Variants in SUZ12 observed in about 807,000 individuals in gnomAD.
SUZ12 encodes SUZ12 polycomb repressive complex 2 subunit.
In SUZ12, 17 loss-of-function variants were observed where a neutral mutation model predicts 87.3. That is an observed-to-expected ratio of 0.19 (90% CI 0.13 to 0.29). The LOEUF (loss-of-function observed/expected upper bound fraction) is 0.29, where lower values mean the gene tolerates loss of function less well. Ranked by LOEUF, SUZ12 falls within the 10% of genes least tolerant of loss-of-function variation. SUZ12 has a pLI of 1.00. For missense variants in SUZ12, 526 were observed against 912.2 expected (o/e 0.58, Z 5.45); for synonymous variants, 253 against 312.4 (o/e 0.81, Z 2.01).
At chr17:31,980,035 G>A (rs1909004619) in intron 8 of SUZ12, among the ~76,000 whole-genome samples, 1 of 151,312 alleles carries the variant, frequency 6.6e-6, no homozygotes, top group South Asian at 2.1e-4. Flanking sequence ...GAGAGAGAGA[G>A]AGAAACAGGC....
intron 8 of SUZ12, among the ~76,000 whole-genome samples, chr17:31,982,371 T>C (rs1481823558): frequency 6.6e-6 from 1 of 152,106 alleles, no homozygotes; most frequent in East Asian, 1.9e-4. Flanking sequence ...TTTAAAAATA[T>C]AAAGCCTGGG....
rs1423375245 is a variant in SUZ12 at position 31,937,141 on chromosome 17, C to T, written c.-106C>T. 2 of 998,072 alleles carry T rather than the reference C, an allele frequency of 2.0e-6. No individual in the cohort carries two copies. The highest frequency in any genetic ancestry group is 4.9e-5 in the South Asian group (2 of 40,906). 61.8% of individuals were successfully genotyped at this position (998,072 alleles called of 1,614,324 possible). A position where few individuals can be genotyped will look rare whatever the true frequency, so the allele number is the denominator to read the frequency against. On this transcript the variant is annotated 5_prime_UTR_variant, in exon 1 of 16. Coordinates refer to ENST00000322652, the MANE Select transcript of SUZ12 (RefSeq NM_015355.4). ...TCTCCTCCCCTCTCTCCTCCTTCCC[C>T]CCTCGGTCCGCCGGAGCCTGCTGGG... is the stretch of plus-strand genomic sequence containing the variant.
Position 31,999,629 on chromosome 17 carries a change from G to A in SUZ12, c.*626G>A, listed in dbSNP as rs1250114619. The A allele has an allele frequency of 4.3e-6, 1 of 231,664 alleles. No individual in the cohort carries two copies. The highest frequency in any genetic ancestry group is 1.8e-4 in the South Asian group (1 of 5,520). The allele number at this position is 231,664 out of a possible 1,614,324, so 14.4% of individuals were successfully genotyped here. A position where few individuals can be genotyped will look rare whatever the true frequency, so the allele number is the denominator to read the frequency against. On this transcript the variant is annotated 3_prime_UTR_variant, in exon 16 of 16. Transcript: ENST00000322652. ...AATAGCACTTCTTCATCTTATGCCT[G>A]TTTGAGAAGATATTAAATTTTCACA...
At chr17:31,943,680 C>T (rs1410572440) in intron 3 of SUZ12, among the ~76,000 whole-genome samples, 2 of 151,762 alleles carry the variant, frequency 1.3e-5, no homozygotes, top group Non-Finnish European at 2.9e-5. Context: ...TAGTAGAATT[C>T]GACTAACTGT....
chr17:31,948,463 T>C (rs9901121), intron 4 of SUZ12, among the ~76,000 whole-genome samples: 5,967 of 152,210 alleles, frequency 0.039, 392 homozygotes, highest in African/African-American at 0.13. Context: ...AAAAATAGAG[T>C]TGGAAAATTT....
chr17:31,970,468 A>C (rs535671197), intron 5 of SUZ12, among the ~76,000 whole-genome samples: 1 of 152,146 alleles, frequency 6.6e-6, no homozygotes, highest in South Asian at 2.1e-4. Flanking sequence ...TCTCTACTGA[A>C]AATAACCAAA....
chr17:31,989,327 T>G (rs1187700647), intron 10 of SUZ12, among the ~76,000 whole-genome samples: 1 of 152,028 alleles, frequency 6.6e-6, no homozygotes, highest in Non-Finnish European at 1.5e-5. Context: ...TGTGTTGAAG[T>G]AGTAGTAAAA....
intron 4 of SUZ12, among the ~76,000 whole-genome samples, chr17:31,951,711 C>T (rs944266929): frequency 3.3e-5 from 5 of 150,242 alleles, no homozygotes; most frequent in African/African-American, 4.9e-5. Context: ...CTCCTGACCT[C>T]GTGATCCACC....
intron 10 of SUZ12, among the ~76,000 whole-genome samples, chr17:31,990,774 G>GTT (rs1424767798): frequency 2.6e-5 from 4 of 151,876 alleles, no homozygotes; most frequent in Non-Finnish European, 5.9e-5. Context: ...TTGAGACAGG[G>GTT]TTTCTCTCTC....
chr17:31,987,900 T>C (rs1027487590), intron 9 of SUZ12, among the ~76,000 whole-genome samples: 2 of 151,886 alleles, frequency 1.3e-5, no homozygotes, highest in South Asian at 2.1e-4. Flanking sequence ...ACCATGCCAG[T>C]TGCACACTAG....
At chr17:31,955,901 T>TATG (rs1907299715) in intron 4 of SUZ12, among the ~76,000 whole-genome samples, 1 of 151,512 alleles carries the variant, frequency 6.6e-6, no homozygotes, top group South Asian at 2.1e-4. Flanking sequence ...TAAAGTTGTA[T>TATG]ATTATTATTA....
At chr17:31,957,878 C>G (rs117439645) in intron 4 of SUZ12, among the ~76,000 whole-genome samples, 3,270 of 144,930 alleles carry the variant, frequency 0.023, 65 homozygotes, top group Admixed American at 0.039. Context: ...GCACCTGGCC[C>G]TGGCTCACCT....
chr17:31,989,059 C>T (rs1909562980), intron 10 of SUZ12, among the ~76,000 whole-genome samples: 1 of 151,692 alleles, frequency 6.6e-6, no homozygotes, highest in Admixed American at 6.6e-5. Flanking sequence ...CAGAGCAATA[C>T]TCCATCTCAA....
rs199966471 is a variant in SUZ12 at position 31,987,048 on chromosome 17, GGTTTTTTT to G, written c.1024-1253_1024-1246del. Among the ~76,000 whole-genome samples the G allele has an allele frequency of 1.6e-3, 245 of 149,088 alleles. 1 individual carries two copies. The highest frequency in any genetic ancestry group is 7.9e-3 in the Admixed American group (119 of 15,058). On this transcript the variant is annotated intron_variant, in intron 9 of 15. Transcript: ENST00000322652. Reference sequence around the variant, plus strand: ...TAAGGCAATACTGATCTATAACAAAGGTTTTTTTGTTTTTTTGTTTTTTTGTGATCCTT... The same window carrying G: ...TAAGGCAATACTGATCTATAACAAAGGTTTTTTTGTTTTTTTGTGATCCTT...
Position 31,973,136 on chromosome 17 carries a change from T to C in SUZ12, c.506-10T>C, listed in dbSNP as rs1381859182. On this transcript the variant is annotated splice_polypyrimidine_tract_variant and intron_variant, in intron 5 of 15. Transcript: ENST00000322652. The stretch of plus-strand genomic sequence containing the variant: ...TTAAATATATTTTAAAATACTGATT[T>C]TCTATTTAGATAAGCCATCACCAAA... 1 of 1,526,162 alleles carries C rather than the reference T, an allele frequency of 6.6e-7. No individual in the cohort carries two copies. The highest frequency in any genetic ancestry group is 2.4e-5 in the East Asian group (1 of 42,080). 94.5% of individuals were successfully genotyped at this position (1,526,162 alleles called of 1,614,324 possible). A position where few individuals can be genotyped will look rare whatever the true frequency, so the allele number is the denominator to read the frequency against.
intron 9 of SUZ12, among the ~76,000 whole-genome samples, chr17:31,986,742 G>A (rs1343837899): frequency 2.0e-5 from 3 of 152,054 alleles, no homozygotes; most frequent in Non-Finnish European, 4.4e-5. Flanking sequence ...AGTAGAGACG[G>A]GGTTTCACCA....
intron 9 of SUZ12, among the ~76,000 whole-genome samples, chr17:31,985,977 G>T (rs549890056): frequency 4.3e-4 from 64 of 149,626 alleles, no homozygotes; most frequent in African/African-American, 1.5e-3. Flanking sequence ...TTTTTTGTTT[G>T]TTTCTGTTGA....
chr17:31,988,627 C>T lies in SUZ12; in HGVS notation c.1201+130C>T, dbSNP rs919335682. Reference sequence around the variant, plus strand: ...TTTTTTTTTGAGATGGAGTCTTGCTCTGTTGCCCAGGCAGGAGTGCAGTAG... The same window carrying T: ...TTTTTTTTTGAGATGGAGTCTTGCTTTGTTGCCCAGGCAGGAGTGCAGTAG... On this transcript the variant is annotated intron_variant, in intron 10 of 15. Transcript: ENST00000322652. 6.3e-6 allele frequency: 6 copies of T among 958,380 alleles called. No homozygotes were observed. In the East Asian group the frequency reaches 1.8e-4, roughly 28 times the overall value. The allele number at this position is 958,380 out of a possible 1,614,324, so 59.4% of individuals were successfully genotyped here.
At chr17:31,976,480 G>C in intron 7 of SUZ12, 41 bp from the exon 8 acceptor site, 1 of 1,510,630 alleles carries the variant, frequency 6.6e-7, no homozygotes, top group Non-Finnish European at 9.1e-7. Context: ...ACACATTTTT[G>C]TTCTAATATT....
Sources: gnomAD v4.1 joint callset for allele counts (sites outside exome capture counted in the v4.1 genomes callset) on GRCh38, gnomAD v4.1.1 for gene constraint, MANE v1.5 for transcripts, NCBI Gene and HGNC (gene_info 2026-07-23, HGNC 2026-07-21) for gene names.